Variants in RSL24D1 observed in about 807,000 individuals in gnomAD.
RSL24D1 encodes probable ribosome biogenesis protein RLP24.
Under a neutral mutation model 26.2 loss-of-function variants are expected in RSL24D1, and 6 were observed. The ratio of observed to expected loss-of-function variants is 0.23; its 90% CI spans 0.13 to 0.45. The LOEUF is 0.45. Ranked by LOEUF, RSL24D1 falls within the 20% of genes least tolerant of loss-of-function variation. The pLI is 0.99. For synonymous variants in RSL24D1, 61 were observed against 59.1 expected, an observed-to-expected ratio of 1.03 and a Z score of -0.15; for missense variants, 176 against 202.6, an observed-to-expected ratio of 0.87 and a Z score of 0.80.
intron 3 of RSL24D1, among the ~76,000 whole-genome samples, chr15:55,186,425 T>C (rs1370226608): frequency 6.6e-6 from 1 of 152,174 alleles, no homozygotes; most frequent in Non-Finnish European, 1.5e-5. Context: ...CTGCTAGTAA[T>C]GGAACTAATG....
chr15:55,192,722 C>T lies in RSL24D1; in HGVS notation c.193G>A (p.Val65Met). The T allele has an allele frequency of 6.2e-7, 1 of 1,606,480 alleles. No homozygotes were observed. The highest frequency in any genetic ancestry group is 8.5e-7 in the Non-Finnish European group (1 of 1,173,050). Residue 65 changes from valine to methionine, a missense_variant and splice_region_variant, in exon 2 of 6, where the codon GTG becomes ATG. Physicochemically the swap from Val to Met is conservative, Grantham distance 21 (BLOSUM62 1). This residue lies in a region of RSL24D1 where 89 missense variants were observed against 135.1 expected (regional missense o/e 0.66). Coordinates refer to ENST00000260443, the MANE Select transcript of RSL24D1 (RefSeq NM_016304.3). ...TATTGATAGCTAACCGTACTCACCA[C>T]TGTAAGCTCTTTACCAGCTGCTTTC... The part of the protein sequence containing the change: ...FRKAAGKELT[V>M]DNSFEFEKRR...
chr15:55,183,503 C>T, intron 4 of RSL24D1, 103 bp from the exon 5 acceptor site: 1 of 755,486 alleles, frequency 1.3e-6, no homozygotes. Context: ...AAGTTAGCCC[C>T]ACAGATGGGG....
intron 2 of RSL24D1, among the ~76,000 whole-genome samples, chr15:55,191,779 A>T (rs564489886): frequency 2.0e-5 from 3 of 152,206 alleles, no homozygotes; most frequent in Non-Finnish European, 4.4e-5. Flanking sequence ...GGATTTGGCT[A>T]CTATTTCTTT....
chr15:55,183,083 T>C (rs1458480260), intron 5 of RSL24D1, among the ~76,000 whole-genome samples: 2 of 152,186 alleles, frequency 1.3e-5, no homozygotes, highest in African/African-American at 2.4e-5. Context: ...GCAAATCATT[T>C]TGCATAACTT....
intron 3 of RSL24D1, among the ~76,000 whole-genome samples, chr15:55,187,464 A>G (rs555260584): frequency 1.3e-5 from 2 of 152,318 alleles, no homozygotes; most frequent in African/African-American, 2.4e-5. Flanking sequence ...TAACTGTACA[A>G]TTCACAACTG....
At chr15:55,189,193 CAAA>C (rs11320888) in intron 3 of RSL24D1, among the ~76,000 whole-genome samples, 7 of 66,510 alleles carry the variant, frequency 1.1e-4, no homozygotes, top group Non-Finnish European at 1.4e-4. Context: ...ACTCCCATCT[CAAA>C]AAAAAAAAAA....
At position 55,187,097 on chromosome 15, in the gene RSL24D1, T is replaced by G. The variant is rs567317504; in HGVS notation, c.269-1672A>C. On this transcript the variant is annotated intron_variant, in intron 3 of 5. Transcript: ENST00000260443. ...TTGGGAGCTTGTTAGAAATGAAGGA[T>G]TTCAGGCCCCACACAAACCTACTAT... Among the ~76,000 whole-genome samples, 14 of 152,226 alleles carry G rather than the reference T, an allele frequency of 9.2e-5. No homozygotes were observed. In the South Asian group the frequency reaches 2.9e-3, roughly 32 times the overall value.
intron 4 of RSL24D1, 128 bp from the exon 5 acceptor site, chr15:55,183,528 G>A (rs183544881): frequency 1.5e-6 from 1 of 660,250 alleles, no homozygotes; most frequent in Non-Finnish European, 2.7e-6. Context: ...GAAACATGAT[G>A]GCTGCCCTTC....
In RSL24D1 at chr15:55,181,060, T is replaced by G. The variant is rs1028680056; in HGVS notation, c.*1092A>C. On this transcript the variant is annotated 3_prime_UTR_variant, in exon 6 of 6. Coordinates refer to ENST00000260443, the MANE Select transcript of RSL24D1 (RefSeq NM_016304.3). ...AAAATGAGCCATTACTTTATAATTA[T>G]GTAAGGCTAAGAATTACTGATTTTA... 6.6e-6 allele frequency: 1 copy of G among 152,192 alleles called. No individual in the cohort carries two copies. The highest frequency in any genetic ancestry group is 1.5e-5 in the Non-Finnish European group (1 of 68,038). 9.4% of individuals were successfully genotyped at this position (152,192 alleles called of 1,614,324 possible).
intron 4 of RSL24D1, 45 bp from the exon 5 acceptor site, chr15:55,183,445 G>T: frequency 7.5e-7 from 1 of 1,338,488 alleles, no homozygotes; most frequent in Non-Finnish European, 1.1e-6. Flanking sequence ...TACTAACACT[G>T]CTTTAAGAGG....
chr15:55,190,906 C>T (rs3759862), intron 3 of RSL24D1, 69 bp downstream of exon 3: 1 of 966,248 alleles, frequency 1.0e-6, no homozygotes, highest in East Asian at 2.5e-5. Context: ...AACAAACTGA[C>T]ACTTAAAGTT....
chr15:55,185,329 T>C (rs1353645011), intron 4 of RSL24D1, 33 bp downstream of exon 4: 1 of 1,521,972 alleles, frequency 6.6e-7, no homozygotes, highest in South Asian at 1.3e-5. Context: ...TAGTAATTAT[T>C]TTCCAAAAGT....
At chr15:55,190,249 C>CAAAAAAAAAAAAAAAAAAAA (rs57254193) in intron 3 of RSL24D1, among the ~76,000 whole-genome samples, 1 of 34,494 alleles carries the variant, frequency 2.9e-5, no homozygotes, top group Non-Finnish European at 5.4e-5. Flanking sequence ...CTTTCCAACT[C>CAAAAAAAAAAAAAAAAAAAA]AAAAAAAAAA....
At chr15:55,184,719 A>C (rs1244013592) in intron 4 of RSL24D1, among the ~76,000 whole-genome samples, 1 of 152,176 alleles carries the variant, frequency 6.6e-6, no homozygotes, top group Non-Finnish European at 1.5e-5. Flanking sequence ...CACCTTAATC[A>C]AGTGATCAAA....
chr15:55,185,532 C>T (rs989215314), intron 3 of RSL24D1, 107 bp from the exon 4 acceptor site: 2 of 802,898 alleles, frequency 2.5e-6, no homozygotes, highest in Non-Finnish European at 3.9e-6. Context: ...AATGAATTTA[C>T]ATGAAAAAAA....
At chr15:55,195,190 C>T (rs1396640188) in intron 1 of RSL24D1, 2 of 151,970 alleles carry the variant, frequency 1.3e-5, no homozygotes, top group African/African-American at 2.4e-5. Flanking sequence ...AAGATTCAGA[C>T]GACTCTCATG....
At chr15:55,182,525 A>C (rs1482204357) in intron 5 of RSL24D1, among the ~76,000 whole-genome samples, 1 of 152,172 alleles carries the variant, frequency 6.6e-6, no homozygotes, top group East Asian at 1.9e-4. Context: ...ATTTAAGTCA[A>C]AGTGCTGGCA....
At chr15:55,188,196 A>G (rs1360476392) in intron 3 of RSL24D1, among the ~76,000 whole-genome samples, 5 of 152,230 alleles carry the variant, frequency 3.3e-5, no homozygotes, top group South Asian at 2.1e-4. Flanking sequence ...TGGAGAATCA[A>G]TGAATCTCTT....
chr15:55,195,404 C>T (rs1894344464), intron 1 of RSL24D1: 1 of 152,244 alleles, frequency 6.6e-6, no homozygotes, highest in East Asian at 1.9e-4. Context: ...TTTGTTAGTG[C>T]TTCAGGCCCT....
Sources: gnomAD v4.1 joint callset for allele counts (sites outside exome capture counted in the v4.1 genomes callset) on GRCh38, gnomAD v4.1.1 for gene constraint, gnomAD v4.1.1 regional missense constraint, MANE v1.5 for transcripts, NCBI Gene and HGNC (gene_info 2026-07-23, HGNC 2026-07-21) for gene names.